MME: variants seen among roughly 807,000 people sequenced by gnomAD.
The protein encoded by MME is membrane metalloendopeptidase, also known as neprilysin.
MME carries 98 observed loss-of-function variants against 113.2 expected under a neutral mutation model. The ratio of observed to expected loss-of-function variants is 0.87; its 90% CI spans 0.74 to 1.02. The LOEUF (loss-of-function observed/expected upper bound fraction) is 1.02, where lower values mean the gene tolerates loss of function less well. Ranked by LOEUF, MME falls within the 50% of genes least tolerant of loss-of-function variation. The pLI is 0.00. For missense variants in MME, 836 were observed against 896.0 expected (o/e 0.93, Z 0.86); for synonymous variants, 292 against 300.6 (o/e 0.97, Z 0.30).
intron 3 of MME, among the ~76,000 whole-genome samples, chr3:155,112,027 G>A (rs145390600): frequency 7.7e-6 from 1 of 129,746 alleles, no homozygotes; most frequent in Admixed American, 8.6e-5. Flanking sequence ...CAAAATTCGA[G>A]GGAATTGCTT....
chr3:155,072,167 C>CA (rs71155031), intron 1 of MME, among the ~76,000 whole-genome samples: 34,457 of 64,984 alleles, frequency 0.53, 10,970 homozygotes, highest in Non-Finnish European at 0.64. Flanking sequence ...GACTCCGTCT[C>CA]AAAAAAAAAA....
intron 1 of MME, among the ~76,000 whole-genome samples, chr3:155,030,311 T>C (rs977281877): frequency 1.3e-5 from 2 of 152,172 alleles, no homozygotes; most frequent in Non-Finnish European, 2.9e-5. Flanking sequence ...AATTTTTTCT[T>C]TTATATAGAA....
intron 14 of MME, among the ~76,000 whole-genome samples, chr3:155,146,530 G>GA (rs77441064): frequency 6.9e-4 from 87 of 126,694 alleles, no homozygotes; most frequent in African/African-American, 7.5e-4. Flanking sequence ...TGTCTCAAAA[G>GA]AAAAAAAAAA....
At chr3:155,111,382 G>A (rs912532372) in intron 3 of MME, among the ~76,000 whole-genome samples, 10 of 152,182 alleles carry the variant, frequency 6.6e-5, no homozygotes, top group African/African-American at 1.9e-4. Flanking sequence ...AGACAAGCTC[G>A]GTGGTCAAAG....
At chr3:155,093,815 C>T (rs1263241782) in intron 3 of MME, among the ~76,000 whole-genome samples, 5 of 148,632 alleles carry the variant, frequency 3.4e-5, no homozygotes, top group Non-Finnish European at 7.4e-5. Context: ...GAGATCTTGC[C>T]ACTGCACTCC....
chr3:155,177,886 C>T (rs1712706057), intron 22 of MME, among the ~76,000 whole-genome samples: 1 of 152,078 alleles, frequency 6.6e-6, no homozygotes, highest in Non-Finnish European at 1.5e-5. Flanking sequence ...CCATCTTCAG[C>T]CCACCGTGGT....
chr3:155,090,192 A>G (rs1485117341), intron 3 of MME: 2 of 153,584 alleles, frequency 1.3e-5, no homozygotes, highest in Admixed American at 6.4e-5. Context: ...TGGATGAAAC[A>G]CCTCTCAGAA....
intron 1 of MME, among the ~76,000 whole-genome samples, chr3:155,054,425 T>C (rs1264344358): frequency 1.3e-5 from 2 of 152,190 alleles, no homozygotes; most frequent in Admixed American, 6.5e-5. Context: ...TATTTCTGAT[T>C]TAGCATGAAG....
intron 1 of MME, among the ~76,000 whole-genome samples, chr3:155,041,401 T>C (rs1713313615): frequency 6.6e-6 from 1 of 152,180 alleles, no homozygotes; most frequent in African/African-American, 2.4e-5. Context: ...GTTAAAAGGG[T>C]GGATTTCATG....
chr3:155,042,484 C>CACA (rs1027567289), intron 1 of MME, among the ~76,000 whole-genome samples: 38 of 152,240 alleles, frequency 2.5e-4, no homozygotes, highest in African/African-American at 8.9e-4. Flanking sequence ...CACGCATGTA[C>CACA]ACACATGTTT....
At chr3:155,057,768 AC>A (rs1713986477) in intron 1 of MME, among the ~76,000 whole-genome samples, 1 of 151,246 alleles carries the variant, frequency 6.6e-6, no homozygotes, top group Non-Finnish European at 1.5e-5. Context: ...GAGATCAGCG[AC>A]ATTTTTTAGG....
At chr3:155,148,125 T>G (rs146893390) in intron 15 of MME, among the ~76,000 whole-genome samples, 174 of 152,248 alleles carry the variant, frequency 1.1e-3, no homozygotes, top group African/African-American at 3.9e-3. Flanking sequence ...TAGGAGCCCT[T>G]AGTTCATCGG....
chr3:155,105,275 A>G (rs1427136312), intron 3 of MME, among the ~76,000 whole-genome samples: 1 of 152,232 alleles, frequency 6.6e-6, no homozygotes, highest in Non-Finnish European at 1.5e-5. Flanking sequence ...TATACATGTT[A>G]TAGAGCAATT....
chr3:155,127,007 CAAAAAA>C (rs781764437), intron 8 of MME, among the ~76,000 whole-genome samples: 1 of 65,090 alleles, frequency 1.5e-5, no homozygotes, highest in African/African-American at 5.2e-5. Context: ...AACTCCATCT[CAAAAAA>C]AAAAAAAAAA....
chr3:155,052,730 C>T (rs944724784), intron 1 of MME, among the ~76,000 whole-genome samples: 1 of 152,196 alleles, frequency 6.6e-6, no homozygotes, highest in African/African-American at 2.4e-5. Flanking sequence ...GTCGTGGAGA[C>T]ATTTTCCCCA....
chr3:155,145,611 A>G lies in MME; in HGVS notation c.1416+1154A>G, dbSNP rs1360620298. ...ATATATTGAGTGAGTAAATTGATAA[A>G]TTAATTTCCCATCCTGGATATTTAT... On this transcript the variant is annotated intron_variant, in intron 14 of 22. Coordinates refer to ENST00000360490, the MANE Select transcript of MME (RefSeq NM_007289.4). Among the ~76,000 whole-genome samples the G allele has an allele frequency of 4.6e-5, 7 of 152,170 alleles. No homozygotes were observed. The East Asian group carries it at 1.3e-3, about 29-fold the overall frequency.
intron 16 of MME, among the ~76,000 whole-genome samples, chr3:155,151,551 G>A (rs1203168849): frequency 6.6e-6 from 1 of 152,090 alleles, no homozygotes; most frequent in African/African-American, 2.4e-5. Context: ...AAATCCAAAT[G>A]TCTACATGCT....
In MME at chr3:155,138,108, A is replaced by G; in HGVS notation, c.727A>G (p.Thr243Ala). Reference sequence around the variant, plus strand: ...TGCTATTTTTTTCTTGCAGGCTTGTACAGCATATGTGGATTTTATGATTTC... The same window carrying G: ...TGCTATTTTTTTCTTGCAGGCTTGTGCAGCATATGTGGATTTTATGATTTC... ...ECTGIYKEAC[T>A]AYVDFMISVA... Residue 243 changes from threonine to alanine, a missense_variant, in exon 9 of 23, where the codon ACA (threonine) becomes GCA (alanine). Physicochemically the swap from Thr to Ala is moderately conservative, Grantham distance 58. Transcript: ENST00000360490. 2 of 1,613,730 alleles carry G rather than the reference A, an allele frequency of 1.2e-6. No homozygotes were observed. The highest frequency in any genetic ancestry group is 1.7e-6 in the Non-Finnish European group (2 of 1,179,752).
intron 1 of MME, among the ~76,000 whole-genome samples, chr3:155,063,252 T>C (rs1255149038): frequency 1.7e-5 from 2 of 117,594 alleles, no homozygotes; most frequent in Admixed American, 2.2e-4. Context: ...TATAATAATA[T>C]ACATATAATG....
Sources: gnomAD v4.1 joint callset for allele counts (sites outside exome capture counted in the v4.1 genomes callset) on GRCh38, gnomAD v4.1.1 for gene constraint, MANE v1.5 for transcripts, NCBI Gene and HGNC (gene_info 2026-07-23, HGNC 2026-07-21) for gene names.